TPTE: variants seen among roughly 807,000 people sequenced by gnomAD.
The protein encoded by TPTE is transmembrane phosphatase with tensin homology.
Under a neutral mutation model 84.1 loss-of-function variants are expected in TPTE, and 59 were observed. The ratio of observed to expected loss-of-function variants is 0.70; its 90% CI spans 0.57 to 0.87. TPTE has a LOEUF of 0.87. Among genes scored for constraint, TPTE ranks in the 40% least tolerant of loss-of-function variants. The pLI is 0.00. For missense variants in TPTE, 382 were observed against 659.6 expected, an observed-to-expected ratio of 0.58 and a Z score of 4.61; for synonymous variants, 130 against 223.5, an observed-to-expected ratio of 0.58 and a Z score of 3.73.
At chr21:10,573,876 A>C (rs1203651829) in intron 14 of TPTE, among the ~76,000 whole-genome samples, 1 of 152,310 alleles carries the variant, frequency 6.6e-6, no homozygotes, top group Admixed American at 6.5e-5. Context: ...GCAACAAAAC[A>C]ATGCAAATCC....
intron 3 of TPTE, among the ~76,000 whole-genome samples, chr21:10,536,407 C>A (rs567261337): frequency 3.0e-3 from 459 of 152,246 alleles, no homozygotes; most frequent in African/African-American, 0.011. Flanking sequence ...GTGTGTCCAA[C>A]TATCTACTTT....
At chr21:10,591,905 G>A (rs1445292610) in intron 18 of TPTE, among the ~76,000 whole-genome samples, 2 of 152,310 alleles carry the variant, frequency 1.3e-5, no homozygotes, top group Non-Finnish European at 2.9e-5. Context: ...GCTCACGCCT[G>A]TAATCCCAGC....
At chr21:10,587,550 C>CTTT (rs61197958) in intron 17 of TPTE, among the ~76,000 whole-genome samples, 318 of 142,780 alleles carry the variant, frequency 2.2e-3, no homozygotes, top group African/African-American at 7.5e-3. Flanking sequence ...GAAATGATTT[C>CTTT]TTTTTTTTTT....
intron 10 of TPTE, among the ~76,000 whole-genome samples, chr21:10,566,601 A>G (rs1166501221): frequency 6.6e-6 from 1 of 152,312 alleles, no homozygotes; most frequent in Non-Finnish European, 1.5e-5. Flanking sequence ...TTTGGAAGCA[A>G]CCTAAGTGCC....
chr21:10,595,621 C>T (rs1186054467), intron 19 of TPTE, among the ~76,000 whole-genome samples: 6 of 152,300 alleles, frequency 3.9e-5, no homozygotes, highest in African/African-American at 9.6e-5. Context: ...GGAAGCTGCT[C>T]ATCACCAAAC....
chr21:10,598,322 C>T (rs1304008290), intron 21 of TPTE, among the ~76,000 whole-genome samples: 2 of 152,312 alleles, frequency 1.3e-5, no homozygotes, highest in Non-Finnish European at 2.9e-5. Flanking sequence ...TATTTCTGGT[C>T]AGTGTTGCTT....
At chr21:10,553,099 A>G (rs558165206) in intron 8 of TPTE, among the ~76,000 whole-genome samples, 2 of 152,428 alleles carry the variant, frequency 1.3e-5, no homozygotes, top group East Asian at 1.9e-4. Context: ...CTATGAGCAA[A>G]TAGTATTGAT....
At chr21:10,605,280 A>T in intron 23 of TPTE, 137 bp from the exon 24 acceptor site, 1 of 1,225,398 alleles carries the variant, frequency 8.2e-7, no homozygotes, top group Admixed American at 3.0e-5. Context: ...GAGCCAACTG[A>T]GACACAAAAA....
At chr21:10,573,901 C>A (rs1431309588) in intron 14 of TPTE, among the ~76,000 whole-genome samples, 2 of 152,310 alleles carry the variant, frequency 1.3e-5, no homozygotes, top group African/African-American at 4.8e-5. Flanking sequence ...CAGGCCCAGG[C>A]TCAAAATTAT....
At chr21:10,541,070 A>T in intron 4 of TPTE, 42 bp from the exon 5 acceptor site, 2 of 1,611,540 alleles carry the variant, frequency 1.2e-6, no homozygotes, top group Non-Finnish European at 1.7e-6. Context: ...AAAACATTAG[A>T]ATTACGCATT....
intron 14 of TPTE, among the ~76,000 whole-genome samples, chr21:10,575,576 A>G (rs1230277530): frequency 2.6e-5 from 4 of 152,420 alleles, no homozygotes; most frequent in African/African-American, 7.2e-5. Context: ...AGAATGCCCA[A>G]CAGGGGTCTC....
At chr21:10,523,047 A>G (rs1352246543) in intron 1 of TPTE, among the ~76,000 whole-genome samples, 5 of 152,306 alleles carry the variant, frequency 3.3e-5, no homozygotes, top group Admixed American at 2.0e-4. Context: ...CACTAAGCAA[A>G]CATAGTTATT....
intron 20 of TPTE, among the ~76,000 whole-genome samples, chr21:10,596,462 TTCA>T (rs2075591029): frequency 6.6e-6 from 1 of 152,312 alleles, no homozygotes; most frequent in Non-Finnish European, 1.5e-5. Context: ...CCACCTCTAG[TTCA>T]GAGTTTGCCT....
At chr21:10,568,137 G>A (rs1161550546) in intron 11 of TPTE, among the ~76,000 whole-genome samples, 2 of 152,304 alleles carry the variant, frequency 1.3e-5, no homozygotes, top group Admixed American at 1.3e-4. Context: ...CTAAGATCAA[G>A]TATAATATTC....
intron 8 of TPTE, among the ~76,000 whole-genome samples, chr21:10,556,856 G>A (rs1471700111): frequency 6.6e-6 from 1 of 152,310 alleles, no homozygotes. Context: ...AGAAGTGTCT[G>A]TTCATATCCT....
At chr21:10,574,516 A>T (rs1377644467) in intron 14 of TPTE, among the ~76,000 whole-genome samples, 3 of 152,308 alleles carry the variant, frequency 2.0e-5, no homozygotes, top group Non-Finnish European at 4.4e-5. Context: ...GGCCAATTAG[A>T]AGCAGCTGCA....
chr21:10,572,942 A>G (rs1466437673), intron 14 of TPTE, among the ~76,000 whole-genome samples: 7 of 152,292 alleles, frequency 4.6e-5, no homozygotes, highest in Non-Finnish European at 8.8e-5. Flanking sequence ...ATACAAAACA[A>G]CCAGAAAAAA....
chr21:10,558,177 C>T (rs1157439876), intron 8 of TPTE, among the ~76,000 whole-genome samples: 25 of 152,416 alleles, frequency 1.6e-4, no homozygotes, highest in African/African-American at 5.8e-4. Context: ...TAGGTTGATT[C>T]CATGTCTTTG....
chr21:10,539,217 C>A (rs1320820081), intron 4 of TPTE, among the ~76,000 whole-genome samples: 25 of 152,304 alleles, frequency 1.6e-4, no homozygotes, highest in Non-Finnish European at 2.6e-4. Flanking sequence ...GAGGAGATAG[C>A]AGCTGACAAG....
Sources: gnomAD v4.1 joint callset for allele counts (sites outside exome capture counted in the v4.1 genomes callset) on GRCh38, gnomAD v4.1.1 for gene constraint, MANE v1.5 for transcripts, NCBI Gene and HGNC (gene_info 2026-07-23, HGNC 2026-07-21) for gene names.